ROBO2: variants seen among roughly 807,000 people sequenced by gnomAD.
ROBO2 encodes the protein roundabout guidance receptor 2.
ROBO2 carries 53 observed loss-of-function variants against 160.8 expected under a neutral mutation model. The ratio of observed to expected loss-of-function variants is 0.33; its 90% CI spans 0.26 to 0.41. The LOEUF is 0.41. Among genes scored for constraint, ROBO2 ranks in the 10% least tolerant of loss-of-function variants. The pLI, the probability that ROBO2 is intolerant of heterozygous loss-of-function variation, is 1.00. For synonymous variants in ROBO2, 664 were observed against 611.7 expected, an observed-to-expected ratio of 1.09 and a Z score of -1.26; for missense variants, 1,577 against 1,722.4, an observed-to-expected ratio of 0.92 and a Z score of 1.49.
intron 2 of ROBO2, among the ~76,000 whole-genome samples, chr3:76,583,216 A>G (rs2085816135): frequency 1.3e-5 from 2 of 152,202 alleles, no homozygotes; most frequent in Non-Finnish European, 2.9e-5. Context: ...TAATGTTTTA[A>G]CTATGTGTTT....
chr3:76,132,060 C>T (rs2071243214), intron 2 of ROBO2, among the ~76,000 whole-genome samples: 1 of 152,084 alleles, frequency 6.6e-6, no homozygotes, highest in South Asian at 2.1e-4. Context: ...CCCCAAAGTT[C>T]AGTGATTCAC....
At chr3:77,649,918 G>A (rs919270249) in exon 26 of ROBO2, 1 of 152,042 alleles carries the variant, frequency 6.6e-6, no homozygotes. Flanking sequence ...AAAGAATTGT[G>A]TATTGTGTAC....
chr3:77,038,094 A>C (rs2063742811), upstream of ROBO2, among the ~76,000 whole-genome samples: 1 of 152,176 alleles, frequency 6.6e-6, no homozygotes, highest in African/African-American at 2.4e-5. Context: ...TTAATAGCGC[A>C]CTTTTGGATG....
chr3:76,512,950 G>A (rs1006219098), intron 2 of ROBO2, among the ~76,000 whole-genome samples: 2 of 151,910 alleles, frequency 1.3e-5, no homozygotes, highest in South Asian at 2.1e-4. Context: ...ACAAAACACC[G>A]TCATCATGAA....
At chr3:76,267,266 G>A (rs1237362978) in intron 2 of ROBO2, among the ~76,000 whole-genome samples, 3 of 152,092 alleles carry the variant, frequency 2.0e-5, no homozygotes, top group Non-Finnish European at 2.9e-5. Flanking sequence ...TTGGCAAATA[G>A]ATTTATTTTT....
chr3:76,338,096 A>G (rs1008817909), intron 2 of ROBO2, among the ~76,000 whole-genome samples: 1 of 152,180 alleles, frequency 6.6e-6, no homozygotes, highest in African/African-American at 2.4e-5. Context: ...AGTGCCTAAT[A>G]GCTTCTAGTA....
chr3:76,245,707 CT>C (rs571312487), intron 2 of ROBO2, among the ~76,000 whole-genome samples: 180 of 152,222 alleles, frequency 1.2e-3, no homozygotes, highest in Admixed American at 2.2e-3. Flanking sequence ...ATTACATCTT[CT>C]GCTCAATTTA....
intron 2 of ROBO2, among the ~76,000 whole-genome samples, chr3:76,806,051 A>G (rs990795932): frequency 2.6e-5 from 4 of 151,762 alleles, no homozygotes; most frequent in African/African-American, 9.7e-5. Flanking sequence ...GGTGATTTTA[A>G]TTAGTCTTTT....
intron 2 of ROBO2, among the ~76,000 whole-genome samples, chr3:75,957,323 C>T (rs1286848688): frequency 6.6e-6 from 1 of 150,800 alleles, no homozygotes; most frequent in African/African-American, 2.4e-5. Flanking sequence ...AATTCCTGTG[C>T]TAATAACCAT....
chr3:77,097,936 C>A, intron 1 of ROBO2, 78 bp from the exon 2 acceptor site: 2 of 1,246,848 alleles, frequency 1.6e-6, no homozygotes, highest in Non-Finnish European at 1.1e-6. Context: ...TTTAATTTCC[C>A]CATCAGGAAC....
intron 2 of ROBO2, among the ~76,000 whole-genome samples, chr3:76,980,301 C>T (rs945127149): frequency 2.0e-5 from 3 of 152,210 alleles, no homozygotes; most frequent in Admixed American, 6.5e-5. Flanking sequence ...AGCCACTACT[C>T]TAGCTACGCT....
chr3:76,990,388 T>C (rs1216950669), intron 2 of ROBO2, among the ~76,000 whole-genome samples: 1 of 152,178 alleles, frequency 6.6e-6, no homozygotes, highest in Non-Finnish European at 1.5e-5. Flanking sequence ...CATTTAAATT[T>C]TTTCATGACT....
intron 2 of ROBO2, among the ~76,000 whole-genome samples, chr3:75,966,677 T>C (rs1417796223): frequency 6.6e-6 from 1 of 151,656 alleles, no homozygotes; most frequent in Admixed American, 6.6e-5. Flanking sequence ...AGACAATTTG[T>C]AAAATTGTCA....
intron 2 of ROBO2, among the ~76,000 whole-genome samples, chr3:77,314,739 A>G (rs539543408): frequency 6.6e-6 from 1 of 152,326 alleles, no homozygotes; most frequent in South Asian, 2.1e-4. Flanking sequence ...AAGGCATTAT[A>G]TATCAAGCCA....
chr3:76,306,268 C>G (rs1252825130), intron 2 of ROBO2, among the ~76,000 whole-genome samples: 1 of 151,588 alleles, frequency 6.6e-6, no homozygotes, highest in African/African-American at 2.4e-5. Context: ...TATTTTTTTT[C>G]AAAAGCTTGG....
chr3:76,382,270 G>T (rs1051430702), intron 2 of ROBO2, among the ~76,000 whole-genome samples: 1 of 152,118 alleles, frequency 6.6e-6, no homozygotes, highest in Non-Finnish European at 1.5e-5. Flanking sequence ...GCTCGGCCTC[G>T]AGACAGTTAC....
At chr3:77,353,441 A>G (rs1428526490) in intron 2 of ROBO2, among the ~76,000 whole-genome samples, 1 of 152,204 alleles carries the variant, frequency 6.6e-6, no homozygotes, top group East Asian at 1.9e-4. Flanking sequence ...TTCTGAAACA[A>G]AAATGTTCAA....
chr3:76,870,403 A>T (rs989105986), intron 2 of ROBO2, among the ~76,000 whole-genome samples: 1 of 152,178 alleles, frequency 6.6e-6, no homozygotes, highest in African/African-American at 2.4e-5. Flanking sequence ...CTCTACTTTT[A>T]TAAGTTTCCC....
At chr3:76,499,088 C>T (rs2080320005) in intron 2 of ROBO2, among the ~76,000 whole-genome samples, 1 of 152,140 alleles carries the variant, frequency 6.6e-6, no homozygotes, top group Non-Finnish European at 1.5e-5. Context: ...CTTTACCTTA[C>T]TCCTGCTCAT....
Sources: gnomAD v4.1 joint callset for allele counts (sites outside exome capture counted in the v4.1 genomes callset) on GRCh38, gnomAD v4.1.1 for gene constraint, MANE v1.5 for transcripts, NCBI Gene and HGNC (gene_info 2026-07-23, HGNC 2026-07-21) for gene names.